CARHSP1: variants seen among roughly 807,000 people sequenced by gnomAD.
CARHSP1 encodes the protein calcium-regulated heat-stable protein 1.
CARHSP1 carries 14 observed loss-of-function variants against 12.5 expected under a neutral mutation model. The ratio of observed to expected loss-of-function variants is 1.12; its 90% confidence interval spans 0.74 to 1.75. CARHSP1 has a LOEUF of 1.75. CARHSP1 is among the 40% of genes most tolerant of loss of function. CARHSP1 has a pLI of 0.00. For synonymous variants in CARHSP1, 161 were observed against 82.0 expected, an observed-to-expected ratio of 1.96 and a Z score of -5.20; for missense variants, 343 against 201.6, an observed-to-expected ratio of 1.70 and a Z score of -4.25.
chr16:8,861,646 T>G (rs1184893226), intron 1 of CARHSP1: 2 of 1,288,992 alleles, frequency 1.6e-6, no homozygotes, highest in Non-Finnish European at 2.0e-6. Context: ...GCTTGCCTTC[T>G]GGAGGAGGTG....
intron 1 of CARHSP1, among the ~76,000 whole-genome samples, chr16:8,859,593 T>A (rs1307002350): frequency 6.6e-6 from 1 of 151,618 alleles, no homozygotes; most frequent in Admixed American, 6.6e-5. Context: ...ATGGCATCGG[T>A]CCCCTCTGTG....
intron 1 of CARHSP1, chr16:8,866,442 C>T (rs2061456343): frequency 1.0e-6 from 1 of 985,268 alleles, no homozygotes; most frequent in African/African-American, 1.7e-5. Context: ...CTGGGTTCCT[C>T]CTTTGTAAAC....
intron 2 of CARHSP1, chr16:8,858,701 C>T (rs913880120): frequency 1.8e-6 from 1 of 542,738 alleles, no homozygotes; most frequent in Middle Eastern, 4.9e-4. Flanking sequence ...CCTGTTTTCC[C>T]TCCTGGAAAG....
At chr16:8,859,039 A>C (rs529339903) in intron 2 of CARHSP1, 132 bp downstream of exon 2, 1 of 810,996 alleles carries the variant, frequency 1.2e-6, no homozygotes, top group Admixed American at 3.1e-5. Context: ...CCCTCAGCCC[A>C]CGGCCCAGCC....
At chr16:8,861,519 C>T in intron 1 of CARHSP1, 1 of 1,022,436 alleles carries the variant, frequency 9.8e-7, no homozygotes, top group South Asian at 1.4e-5. Flanking sequence ...AAGAACCAGG[C>T]CCGACTGCTC....
chr16:8,866,188 A>C (rs1182475382), intron 1 of CARHSP1, among the ~76,000 whole-genome samples: 1 of 152,152 alleles, frequency 6.6e-6, no homozygotes, highest in East Asian at 1.9e-4. Flanking sequence ...TCCCAGGCTC[A>C]AGAGATTCTC....
chr16:8,856,499 G>C (rs1596524422), intron 3 of CARHSP1, among the ~76,000 whole-genome samples: 1 of 151,978 alleles, frequency 6.6e-6, no homozygotes, highest in South Asian at 2.1e-4. Context: ...TTTCCTTACT[G>C]ATTCAAAATC....
In CARHSP1 at chr16:8,854,041, G is replaced by C. The variant is rs545564869; in HGVS notation, c.*1123C>G. On this transcript the variant is annotated 3_prime_UTR_variant, in exon 4 of 4. Coordinates refer to ENST00000311052, the MANE Select transcript of CARHSP1 (RefSeq NM_014316.4). ...AGAGGTTGCAGTAAGCTGAGATCGG[G>C]CCACTGCACTCCAGCCTGGGTGACA... 2.0e-5 allele frequency: 3 copies of C among 152,234 alleles called. No individual in the cohort carries two copies. The highest frequency in any genetic ancestry group is 7.2e-5 in the African/African-American group (3 of 41,530). 9.4% of individuals were successfully genotyped at this position (152,234 alleles called of 1,614,324 possible).
In CARHSP1 at chr16:8,859,168, C is replaced by CACGCCGAGAAGG; in HGVS notation, c.149_158+2dup. ...ACGCGTCCCCAGCCTGCTCCAGACT[C>CACGCCGAGAAGG]ACGCCGAGAAGGTCCTCGTCCGGCG... On this transcript the variant is annotated splice_region_variant and intron_variant, in intron 2 of 3. Transcript: ENST00000311052. 1 of 1,594,944 alleles carries CACGCCGAGAAGG rather than the reference C, an allele frequency of 6.3e-7. No homozygotes were observed. The highest frequency in any genetic ancestry group is 8.6e-7 in the Non-Finnish European group (1 of 1,168,670).
intron 1 of CARHSP1, chr16:8,860,307 A>C (rs987059601): frequency 1.0e-6 from 1 of 983,492 alleles, no homozygotes; most frequent in Admixed American, 6.2e-5. Context: ...CCGGGTCACC[A>C]CGCTGTTATG....
At chr16:8,864,632 G>T (rs1342641678) in intron 1 of CARHSP1, among the ~76,000 whole-genome samples, 1 of 152,214 alleles carries the variant, frequency 6.6e-6, no homozygotes, top group Non-Finnish European at 1.5e-5. Flanking sequence ...GGGTAAGGGG[G>T]AGAGGCTGCA....
At chr16:8,865,238 T>G (rs1197292777) in intron 1 of CARHSP1, among the ~76,000 whole-genome samples, 1 of 152,008 alleles carries the variant, frequency 6.6e-6, no homozygotes, top group Non-Finnish European at 1.5e-5. Flanking sequence ...GCCTCCCGAG[T>G]AGCTGGGACT....
rs2061029855 is a variant in CARHSP1, at chr16:8,854,360, A to AC, written c.*803dup. 3 of 149,924 alleles carry AC rather than the reference A, an allele frequency of 2.0e-5. No homozygotes were observed. The highest frequency in any genetic ancestry group is 7.3e-5 in the African/African-American group (3 of 40,974). 9.3% of individuals were successfully genotyped at this position (149,924 alleles called of 1,614,324 possible). On this transcript the variant is annotated 3_prime_UTR_variant, in exon 4 of 4. Transcript: ENST00000311052. ...CTCTCCACAAGCCCTTCCCACCACCACCACCCCAGCCCCCCGCCGCCATAA... is the reference window on the plus strand; with the variant it reads ...CTCTCCACAAGCCCTTCCCACCACCACCCACCCCAGCCCCCCGCCGCCATAA...
At chr16:8,861,719 G>A (rs549182296) in intron 1 of CARHSP1, 21 of 1,288,038 alleles carry the variant, frequency 1.6e-5, no homozygotes, top group South Asian at 7.4e-5. Flanking sequence ...TCCTGAGTCC[G>A]GGGAGCCCCC....
At chr16:8,866,261 T>C (rs928597692) in intron 1 of CARHSP1, among the ~76,000 whole-genome samples, 2 of 152,196 alleles carry the variant, frequency 1.3e-5, no homozygotes, top group Admixed American at 6.5e-5. Context: ...GATTCTACAT[T>C]TCTAAGGCGC....
At chr16:8,860,058 C>T (rs373228714) in intron 1 of CARHSP1, 55 of 815,378 alleles carry the variant, frequency 6.7e-5, no homozygotes, top group Middle Eastern at 6.1e-4. Flanking sequence ...CCCTCCCTGA[C>T]GCTGCTGGGA....
chr16:8,860,389 C>G (rs75056454), intron 1 of CARHSP1: 12 of 985,346 alleles, frequency 1.2e-5, no homozygotes, highest in Non-Finnish European at 1.4e-5. Context: ...TCCCTAGCTG[C>G]TGCTGTGCTT....
At chr16:8,857,052 G>A (rs1267864963) in intron 3 of CARHSP1, among the ~76,000 whole-genome samples, 3 of 152,086 alleles carry the variant, frequency 2.0e-5, no homozygotes, top group Admixed American at 6.6e-5. Context: ...AGGGCAGGAA[G>A]CTGGACTGGT....
intron 3 of CARHSP1, among the ~76,000 whole-genome samples, chr16:8,855,797 G>GTCTT (rs982259313): frequency 1.3e-5 from 2 of 152,182 alleles, no homozygotes; most frequent in African/African-American, 4.8e-5. Flanking sequence ...ACCGCACCGT[G>GTCTT]TCTTTGTTCT....
Sources: gnomAD v4.1 joint callset for allele counts (sites outside exome capture counted in the v4.1 genomes callset) on GRCh38, gnomAD v4.1.1 for gene constraint, MANE v1.5 for transcripts, NCBI Gene and HGNC (gene_info 2026-07-23, HGNC 2026-07-21) for gene names.